NBEA: variants seen among roughly 807,000 people sequenced by gnomAD.
NBEA encodes the protein lysosomal-trafficking regulator 2.
A neutral mutation model predicts 343.4 loss-of-function variants in NBEA; 44 were observed. That is an observed-to-expected ratio of 0.13 (90% CI 0.10 to 0.16). The LOEUF (loss-of-function observed/expected upper bound fraction) is 0.16. Among genes scored for constraint, NBEA ranks in the 10% least tolerant of loss-of-function variants. The pLI is 1.00. For missense variants in NBEA, 2,555 were observed against 3,631.3 expected, an observed-to-expected ratio of 0.70 and a Z score of 7.62; for synonymous variants, 1,175 against 1,238.7, an observed-to-expected ratio of 0.95 and a Z score of 1.08.
intron 38 of NBEA, among the ~76,000 whole-genome samples, chr13:35,382,863 G>T (rs1372090650): frequency 6.6e-6 from 1 of 152,134 alleles, no homozygotes; most frequent in African/African-American, 2.4e-5. Context: ...GACTTTTATG[G>T]GCTGTATTTC....
intron 38 of NBEA, among the ~76,000 whole-genome samples, chr13:35,382,658 C>G (rs1395717680): frequency 6.6e-6 from 1 of 152,140 alleles, no homozygotes; most frequent in Non-Finnish European, 1.5e-5. Flanking sequence ...TTAATCTCTT[C>G]TCATTCACTT....
At chr13:35,603,960 A>G (rs1397227978) in intron 47 of NBEA, among the ~76,000 whole-genome samples, 2 of 152,256 alleles carry the variant, frequency 1.3e-5, no homozygotes, top group Non-Finnish European at 2.9e-5. Context: ...TATATATTTT[A>G]CATTCATACA....
chr13:35,532,894 T>C (rs2078337172), intron 41 of NBEA, among the ~76,000 whole-genome samples: 6 of 152,126 alleles, frequency 3.9e-5, no homozygotes, highest in Admixed American at 3.9e-4. Flanking sequence ...TTGTTGAGTT[T>C]TTTTTTTCTA....
intron 1 of NBEA, among the ~76,000 whole-genome samples, chr13:34,989,981 A>G (rs1047350088): frequency 6.6e-6 from 1 of 151,066 alleles, no homozygotes; most frequent in African/African-American, 2.4e-5. Context: ...TAAAGCTCCA[A>G]AATAATTTTC....
At chr13:35,363,582 G>T (rs2040935087) in intron 38 of NBEA, among the ~76,000 whole-genome samples, 1 of 151,808 alleles carries the variant, frequency 6.6e-6, no homozygotes, top group Non-Finnish European at 1.5e-5. Flanking sequence ...GAAGATAAGG[G>T]AATTCTCAGG....
intron 41 of NBEA, among the ~76,000 whole-genome samples, chr13:35,472,763 A>G (rs996481687): frequency 6.6e-6 from 1 of 152,226 alleles, no homozygotes; most frequent in African/African-American, 2.4e-5. Context: ...TCTTTCTATG[A>G]GTGCCTTTGT....
chr13:34,954,773 A>G (rs1167393947), intron 1 of NBEA, among the ~76,000 whole-genome samples: 1 of 152,190 alleles, frequency 6.6e-6, no homozygotes, highest in East Asian at 1.9e-4. Flanking sequence ...TGCAGTGTAA[A>G]TGCTAGGTAA....
chr13:35,467,321 A>T (rs941955584), intron 40 of NBEA, among the ~76,000 whole-genome samples: 13 of 152,018 alleles, frequency 8.6e-5, no homozygotes, highest in African/African-American at 3.1e-4. Flanking sequence ...AAAATACAAA[A>T]ATTAGCTGGG....
chr13:35,444,117 C>T (rs1425163819), intron 39 of NBEA, among the ~76,000 whole-genome samples: 4 of 151,798 alleles, frequency 2.6e-5, no homozygotes, highest in Non-Finnish European at 4.4e-5. Context: ...AAAATGTTTT[C>T]GAACAATAGG....
intron 34 of NBEA, among the ~76,000 whole-genome samples, chr13:35,272,991 C>T (rs923604063): frequency 1.3e-5 from 2 of 152,162 alleles, no homozygotes; most frequent in African/African-American, 4.8e-5. Context: ...CTCAGCTCTG[C>T]ACCAAGCAGA....
At chr13:34,993,801 T>C (rs1593396716) in intron 1 of NBEA, among the ~76,000 whole-genome samples, 2 of 152,204 alleles carry the variant, frequency 1.3e-5, no homozygotes, top group South Asian at 4.1e-4. Flanking sequence ...ATACTGTATT[T>C]CTACCCTGTA....
rs564554138 is a variant in NBEA at position 35,386,156 on chromosome 13, A to T, written c.6179+33833A>T. Among the ~76,000 whole-genome samples, 4 of 152,168 alleles carry T rather than the reference A, an allele frequency of 2.6e-5. No homozygotes were observed. In the South Asian group the frequency reaches 8.3e-4, roughly 31 times the overall value. On this transcript the variant is annotated intron_variant, in intron 38 of 58. Coordinates refer to ENST00000379939, the MANE Select transcript of NBEA (RefSeq NM_001385012.1). ...TTGGAAGATTTTTTTAAAGGCCATG[A>T]TTATTCCATAACTGTTTATTTTCTC...
intron 32 of NBEA, among the ~76,000 whole-genome samples, chr13:35,209,319 A>C (rs2073609134): frequency 6.6e-6 from 1 of 152,182 alleles, no homozygotes; most frequent in Admixed American, 6.5e-5. Flanking sequence ...AAGAACCTTG[A>C]CGATATGCAA....
At chr13:35,130,645 A>G (rs972501792) in intron 17 of NBEA, among the ~76,000 whole-genome samples, 3 of 151,922 alleles carry the variant, frequency 2.0e-5, no homozygotes, top group Non-Finnish European at 4.4e-5. Context: ...TAGAAGATCA[A>G]TTACAAAAAA....
At chr13:35,403,263 A>G (rs1331093495) in intron 38 of NBEA, among the ~76,000 whole-genome samples, 1 of 152,064 alleles carries the variant, frequency 6.6e-6, no homozygotes, top group Non-Finnish European at 1.5e-5. Flanking sequence ...GATTAATAAC[A>G]AATATTAATA....
In NBEA at chr13:35,214,116, A is replaced by G. The variant is rs568439904; in HGVS notation, c.5648+2937A>G. On this transcript the variant is annotated intron_variant, in intron 33 of 58. Transcript: ENST00000379939. The stretch of plus-strand genomic sequence containing the variant: ...TTATTGGTAGGTATTATCCCATTAT[A>G]TGGCTATTAATAATCTACTCTTCTT... Among the ~76,000 whole-genome samples the G allele has an allele frequency of 2.0e-4, 30 of 152,050 alleles. No homozygotes were observed. The South Asian group carries it at 3.3e-3, about 17-fold the overall frequency.
At chr13:35,128,279 T>C (rs1449063910) in intron 17 of NBEA, among the ~76,000 whole-genome samples, 1 of 151,012 alleles carries the variant, frequency 6.6e-6, no homozygotes, top group African/African-American at 2.4e-5. Context: ...ATCTTAGTAT[T>C]GGACAAATTA....
intron 1 of NBEA, among the ~76,000 whole-genome samples, chr13:35,019,846 C>G (rs981289709): frequency 2.0e-5 from 3 of 152,250 alleles, no homozygotes; most frequent in Admixed American, 6.5e-5. Context: ...GATCTATAGT[C>G]ATGACTTTTA....
intron 38 of NBEA, among the ~76,000 whole-genome samples, chr13:35,355,755 T>C (rs750126086): frequency 3.8e-4 from 58 of 152,090 alleles, no homozygotes; most frequent in Non-Finnish European, 6.9e-4. Context: ...TTTAGAATGC[T>C]TTCCCAAAAA....
Sources: allele counts gnomAD v4.1 joint callset (sites outside exome capture counted in the v4.1 genomes callset), GRCh38; gene constraint gnomAD v4.1.1; transcripts MANE v1.5; gene names NCBI Gene and HGNC (gene_info 2026-07-23, HGNC 2026-07-21).